LRP1B: variants seen among roughly 807,000 people sequenced by gnomAD.
LRP1B encodes LDL receptor related protein 1B.
Under a neutral mutation model 556.6 loss-of-function variants are expected in LRP1B, and 217 were observed. That is an observed-to-expected ratio of 0.39 (90% CI 0.35 to 0.44). The LOEUF is 0.44. LRP1B is among the 20% of genes least tolerant of loss of function. LRP1B has a pLI of 1.00. For missense variants in LRP1B, 5,053 were observed against 5,620.8 expected, an observed-to-expected ratio of 0.90 and a Z score of 3.23; for synonymous variants, 2,047 against 1,865.8, an observed-to-expected ratio of 1.10 and a Z score of -2.50.
chr2:141,772,855 A>C (rs1038847667), intron 2 of LRP1B, among the ~76,000 whole-genome samples: 4 of 152,124 alleles, frequency 2.6e-5, no homozygotes, highest in African/African-American at 9.7e-5. Context: ...AAACTTCAAG[A>C]AGGCTTCTCA....
chr2:140,813,852 T>C, intron 31 of LRP1B, 46 bp from the exon 32 acceptor site: 4 of 1,394,620 alleles, frequency 2.9e-6, no homozygotes, highest in Non-Finnish European at 2.0e-6. Context: ...GCCACTTAAA[T>C]TGTAATATCC....
chr2:141,730,211 A>G (rs911535773), intron 2 of LRP1B, among the ~76,000 whole-genome samples: 6 of 152,166 alleles, frequency 3.9e-5, no homozygotes, highest in African/African-American at 1.4e-4. Context: ...ATACTGTGCA[A>G]GAGACGGAGA....
rs534042822 is a variant in LRP1B, at chr2:141,979,499, C to A, written c.82+151149G>T. Reference sequence around the variant, plus strand: ...CACTTTTTAATGGTAGACTCACCAACATATTAAGAATCTTATTTTATATTT... The same window carrying A: ...CACTTTTTAATGGTAGACTCACCAAAATATTAAGAATCTTATTTTATATTT... On this transcript the variant is annotated intron_variant, in intron 1 of 90. Coordinates refer to ENST00000389484, the MANE Select transcript of LRP1B (RefSeq NM_018557.3). 2.0e-5 allele frequency among the ~76,000 whole-genome samples: 3 copies of A among 152,186 alleles called. No individual in the cohort carries two copies. The South Asian group carries it at 6.2e-4, about 32-fold the overall frequency.
chr2:140,779,052 T>C (rs1218071314), intron 32 of LRP1B, among the ~76,000 whole-genome samples: 1 of 150,034 alleles, frequency 6.7e-6, no homozygotes, highest in East Asian at 2.0e-4. Context: ...ATAACCCACA[T>C]CTAAAAAACT....
At chr2:140,651,526 T>TAAAAAAAAAAAAAAAAAAAAAAA (rs558677783) in intron 41 of LRP1B, among the ~76,000 whole-genome samples, 7 of 107,026 alleles carry the variant, frequency 6.5e-5, no homozygotes, top group East Asian at 2.6e-4. Flanking sequence ...ATACAAAAAT[T>TAAAAAAAAAAAAAAAAAAAAAAA]AAAAAAAAAA....
intron 8 of LRP1B, among the ~76,000 whole-genome samples, chr2:141,060,680 A>G (rs1489844912): frequency 2.0e-5 from 3 of 151,698 alleles, no homozygotes; most frequent in Non-Finnish European, 4.4e-5. Flanking sequence ...GGTAGAAAAC[A>G]TGTTCACCCA....
chr2:141,386,885 G>A (rs577375486), intron 3 of LRP1B, among the ~76,000 whole-genome samples: 1 of 152,040 alleles, frequency 6.6e-6, no homozygotes, highest in East Asian at 1.9e-4. Context: ...TATTCCACCA[G>A]CATCCACAGA....
chr2:141,632,408 T>G (rs1278119213), intron 2 of LRP1B, among the ~76,000 whole-genome samples: 1 of 152,198 alleles, frequency 6.6e-6, no homozygotes, highest in East Asian at 1.9e-4. Flanking sequence ...AGTAACAGAA[T>G]GCATTTTAAT....
chr2:141,674,333 A>G (rs1387698461), intron 2 of LRP1B, among the ~76,000 whole-genome samples: 3 of 152,036 alleles, frequency 2.0e-5, no homozygotes. Context: ...CTGTTGACCA[A>G]TACTGATTTT....
intron 2 of LRP1B, among the ~76,000 whole-genome samples, chr2:141,645,098 A>T (rs1365788560): frequency 6.6e-6 from 1 of 152,068 alleles, no homozygotes; most frequent in Non-Finnish European, 1.5e-5. Context: ...AACACTATGG[A>T]TTTATATTAG....
chr2:141,808,475 T>C (rs1292767681), intron 2 of LRP1B, among the ~76,000 whole-genome samples: 1 of 152,132 alleles, frequency 6.6e-6, no homozygotes, highest in Non-Finnish European at 1.5e-5. Context: ...TCACTACTTG[T>C]ATAATGTAGG....
chr2:141,631,948 C>T (rs1688928440), intron 2 of LRP1B, among the ~76,000 whole-genome samples: 1 of 151,864 alleles, frequency 6.6e-6, no homozygotes, highest in Non-Finnish European at 1.5e-5. Context: ...CAGTCTGTAA[C>T]CCAGATAGAC....
intron 35 of LRP1B, among the ~76,000 whole-genome samples, chr2:140,748,094 T>A (rs1339683158): frequency 2.3e-3 from 10 of 4,424 alleles, no homozygotes; most frequent in African/African-American, 9.3e-3. Flanking sequence ...GTCCTATGAA[T>A]ATATATATAT....
At chr2:140,480,747 A>C (rs1439367695) in intron 59 of LRP1B, among the ~76,000 whole-genome samples, 1 of 152,122 alleles carries the variant, frequency 6.6e-6, no homozygotes, top group Non-Finnish European at 1.5e-5. Context: ...GGCCTCTAAC[A>C]GGCTATTGTC....
chr2:141,801,474 G>C (rs988358945), intron 2 of LRP1B, among the ~76,000 whole-genome samples: 21 of 152,188 alleles, frequency 1.4e-4, no homozygotes, highest in South Asian at 1.0e-3. Context: ...GTTGTAACGA[G>C]ATAGCTTTGC....
chr2:141,086,618 TTGTGTGTGTGTGTGTGTG>T (rs10608029), intron 7 of LRP1B, among the ~76,000 whole-genome samples: 12 of 148,184 alleles, frequency 8.1e-5, no homozygotes, highest in South Asian at 2.2e-4. Flanking sequence ...AGTATAATAT[TTGTGTGTGTGTGTGTGTG>T]TGTGTGTGTG....
intron 66 of LRP1B, among the ~76,000 whole-genome samples, chr2:140,391,633 G>A (rs534749625): frequency 5.3e-5 from 8 of 152,020 alleles, no homozygotes; most frequent in Non-Finnish European, 1.2e-4. Flanking sequence ...TTATCAGCAT[G>A]GGAAGGTAGT....
intron 11 of LRP1B, among the ~76,000 whole-genome samples, chr2:141,045,360 T>C (rs1281845894): frequency 2.0e-5 from 3 of 151,428 alleles, no homozygotes; most frequent in African/African-American, 7.3e-5. Flanking sequence ...GCATGGCACA[T>C]GTATACATAT....
At chr2:141,633,676 CAGTG>C (rs1467706379) in intron 2 of LRP1B, among the ~76,000 whole-genome samples, 2 of 151,970 alleles carry the variant, frequency 1.3e-5, no homozygotes, top group African/African-American at 4.8e-5. Context: ...AGTACATTCG[CAGTG>C]TTGTGCAACT....
Sources: allele counts gnomAD v4.1 joint callset (sites outside exome capture counted in the v4.1 genomes callset), GRCh38; gene constraint gnomAD v4.1.1; transcripts MANE v1.5; gene names NCBI Gene and HGNC (gene_info 2026-07-23, HGNC 2026-07-21).